TRAPPC3L: variants seen among roughly 807,000 people sequenced by gnomAD.
The protein encoded by TRAPPC3L is trafficking protein particle complex subunit 3L, also known as trafficking protein particle complex subunit 3-like protein.
A neutral mutation model predicts 23.7 loss-of-function variants in TRAPPC3L; 23 were observed. That is an observed-to-expected ratio of 0.97 (90% CI 0.70 to 1.37). The LOEUF (loss-of-function observed/expected upper bound fraction) is 1.37, where lower values mean the gene tolerates loss of function less well. Ranked by LOEUF, TRAPPC3L falls within the 40% of genes most tolerant of loss-of-function variation. The pLI, the probability that TRAPPC3L is intolerant of heterozygous loss-of-function variation, is 0.00. For synonymous variants in TRAPPC3L, 81 were observed against 77.9 expected (o/e 1.04, Z -0.21); for missense variants, 212 against 216.8 (o/e 0.98, Z 0.14).
At chr6:116,534,467 A>T (rs1372319497) in intron 3 of TRAPPC3L, among the ~76,000 whole-genome samples, 2 of 151,838 alleles carry the variant, frequency 1.3e-5, no homozygotes, top group African/African-American at 2.4e-5. Flanking sequence ...AGAAAAAAAA[A>T]TATGACTAGT....
In TRAPPC3L at chr6:116,496,876, T is replaced by C; in HGVS notation, c.*78A>G. 6.9e-7 allele frequency: 1 copy of C among 1,444,998 alleles called. No individual in the cohort carries two copies. Among genetic ancestry groups the C allele is most frequent in the Non-Finnish European group, 9.1e-7 (1 of 1,103,808 alleles). 89.5% of individuals were successfully genotyped at this position (1,444,998 alleles called of 1,614,324 possible). A position where few individuals can be genotyped will look rare whatever the true frequency, so the allele number is the denominator to read the frequency against. ...TTTCAAAGCTCATGCTATGAAGCAATTCAAAATTTCTATGTCTATACATGT... is the reference window on the plus strand; with the variant it reads ...TTTCAAAGCTCATGCTATGAAGCAACTCAAAATTTCTATGTCTATACATGT... On this transcript the variant is annotated 3_prime_UTR_variant, in exon 5 of 5. Coordinates refer to ENST00000368602, the MANE Select transcript of TRAPPC3L (RefSeq NM_001139444.3).
chr6:116,525,916 G>C (rs1346788298), intron 3 of TRAPPC3L, among the ~76,000 whole-genome samples: 1 of 152,170 alleles, frequency 6.6e-6, no homozygotes, highest in African/African-American at 2.4e-5. Flanking sequence ...GGTTTCAACA[G>C]AACACAATTA....
In TRAPPC3L at chr6:116,496,629, G is replaced by T; in HGVS notation, c.*325C>A. ...CAAATACACAACTGTTTGTATTTGT[G>T]CTGCTTTTTTTTCCCATTACCATAC... On this transcript the variant is annotated 3_prime_UTR_variant, in exon 5 of 5. Transcript: ENST00000368602. The T allele has an allele frequency of 4.7e-6, 1 of 211,050 alleles. No homozygotes were observed. Among genetic ancestry groups the T allele is most frequent in the Non-Finnish European group, 9.3e-6 (1 of 108,034 alleles). 13.1% of individuals were successfully genotyped at this position (211,050 alleles called of 1,614,324 possible). A position where few individuals can be genotyped will look rare whatever the true frequency, so the allele number is the denominator to read the frequency against.
At chr6:116,511,009 A>T (rs1172164192) in intron 3 of TRAPPC3L, among the ~76,000 whole-genome samples, 1 of 151,398 alleles carries the variant, frequency 6.6e-6, no homozygotes, top group Non-Finnish European at 1.5e-5. Context: ...GGAGACTCAG[A>T]AAGAGGGAGA....
intron 4 of TRAPPC3L, among the ~76,000 whole-genome samples, chr6:116,497,544 T>C (rs535034385): frequency 1.6e-4 from 24 of 152,374 alleles, no homozygotes; most frequent in Non-Finnish European, 2.8e-4. Flanking sequence ...CAGTCACTTA[T>C]GGCTTTGAGA....
At chr6:116,534,678 C>T (rs1164857965) in intron 3 of TRAPPC3L, among the ~76,000 whole-genome samples, 2 of 152,024 alleles carry the variant, frequency 1.3e-5, no homozygotes, top group Non-Finnish European at 1.5e-5. Context: ...GCTTTAGGCA[C>T]CCTCATTCAT....
At chr6:116,545,068 G>A (rs924775564) in intron 1 of TRAPPC3L, among the ~76,000 whole-genome samples, 1 of 151,110 alleles carries the variant, frequency 6.6e-6, no homozygotes, top group South Asian at 2.1e-4. Context: ...GACCTATTTC[G>A]ATTCAGTTTT....
intron 3 of TRAPPC3L, 78 bp downstream of exon 3, chr6:116,540,285 T>C: frequency 7.3e-7 from 1 of 1,362,738 alleles, no homozygotes; most frequent in South Asian, 1.3e-5. Context: ...ACCTGTCCAA[T>C]CTGAACAGAA....
At chr6:116,508,607 T>C (rs1772047998) in intron 3 of TRAPPC3L, among the ~76,000 whole-genome samples, 1 of 152,202 alleles carries the variant, frequency 6.6e-6, no homozygotes, top group Non-Finnish European at 1.5e-5. Flanking sequence ...TGATGAGGAC[T>C]CTTCTCATTT....
At position 116,534,785 on chromosome 6, in the gene TRAPPC3L, TAAAAG is replaced by T. The variant is rs1772969130; in HGVS notation, c.240+5573_240+5577del. On this transcript the variant is annotated intron_variant, in intron 3 of 4. Transcript: ENST00000368602. The stretch of plus-strand genomic sequence containing the variant: ...TAAGGTAAAATTTCAATTTATACTA[TAAAAG>T]AAAAGTTCTCTTCTTTTGCTTTCCA... 5.3e-5 allele frequency among the ~76,000 whole-genome samples: 6 copies of T among 113,366 alleles called. No individual in the cohort carries two copies. The East Asian group carries it at 1.7e-3, about 32-fold the overall frequency. 74.4% of individuals were successfully genotyped at this position (113,366 alleles called of 152,430 possible). A position where few individuals can be genotyped will look rare whatever the true frequency, so the allele number is the denominator to read the frequency against.
intron 4 of TRAPPC3L, among the ~76,000 whole-genome samples, chr6:116,497,411 G>A (rs1771848424): frequency 6.6e-6 from 1 of 152,176 alleles, no homozygotes; most frequent in African/African-American, 2.4e-5. Context: ...TTGACCCACT[G>A]TGCTTAGCCA....
In TRAPPC3L at chr6:116,495,559, C is replaced by A. The variant is rs1771822044; in HGVS notation, c.*1395G>T. 1 of 152,002 alleles carries A rather than the reference C, an allele frequency of 6.6e-6. No individual in the cohort carries two copies. Among genetic ancestry groups the A allele is most frequent in the Non-Finnish European group, 1.5e-5 (1 of 67,992 alleles). The allele number at this position is 152,002 out of a possible 1,614,324, so 9.4% of individuals were successfully genotyped here. Reference sequence around the variant, plus strand: ...CAGTGGGATTGCTGGATCATATGATCATTCTATTTTTTGTTTTTTGAGGAA... The same window carrying A: ...CAGTGGGATTGCTGGATCATATGATAATTCTATTTTTTGTTTTTTGAGGAA... On this transcript the variant is annotated 3_prime_UTR_variant, in exon 5 of 5. Transcript: ENST00000368602.
At chr6:116,503,742 A>G (rs1771958047) in intron 3 of TRAPPC3L, among the ~76,000 whole-genome samples, 1 of 152,230 alleles carries the variant, frequency 6.6e-6, no homozygotes, top group African/African-American at 2.4e-5. Flanking sequence ...GCACAACTAC[A>G]TGGAAGCTGA....
chr6:116,510,889 T>C (rs1002646525), intron 3 of TRAPPC3L, among the ~76,000 whole-genome samples: 16 of 152,050 alleles, frequency 1.1e-4, no homozygotes, highest in African/African-American at 3.9e-4. Flanking sequence ...AGAGGCGTTA[T>C]TCCAAGCGAA....
chr6:116,529,071 G>A (rs55857439), intron 3 of TRAPPC3L: 8,530 of 152,382 alleles, frequency 0.056, 486 homozygotes, highest in African/African-American at 0.16. Context: ...CTCTCTGACC[G>A]GGTCTCCTGT....
chr6:116,512,152 A>G (rs1416095858), intron 3 of TRAPPC3L: 1 of 1,613,452 alleles, frequency 6.2e-7, no homozygotes. Context: ...GCTGGGAAGA[A>G]CTTCACAAAG....
chr6:116,500,614 G>A lies in TRAPPC3L; in HGVS notation c.293C>T (p.Ser98Leu). The change falls in exon 4 of 5, where the codon TCA becomes TTA. Residue 98 changes from serine to leucine, a missense_variant. By Grantham distance (145) the Ser-to-Leu change is moderately radical (BLOSUM62 -2). Coordinates refer to ENST00000368602, the MANE Select transcript of TRAPPC3L (RefSeq NM_001139444.3). ...GITPSVTCNN[S>L]SKNEFSLILE... The stretch of plus-strand genomic sequence containing the variant: ...AATCAGGGAAAATTCATTTTTGCTT[G>A]AATTGTTACAGGTCACACTTGGTGT... 6.4e-7 allele frequency: 1 copy of A among 1,551,616 alleles called. No homozygotes were observed. The highest frequency in any genetic ancestry group is 8.7e-7 in the Non-Finnish European group (1 of 1,146,952).
chr6:116,514,185 T>C (rs904000014), intron 3 of TRAPPC3L, among the ~76,000 whole-genome samples: 3 of 152,074 alleles, frequency 2.0e-5, no homozygotes, highest in Non-Finnish European at 4.4e-5. Context: ...CATCGGTCAA[T>C]GCAAACGTCA....
At chr6:116,502,273 C>A (rs1304355727) in intron 3 of TRAPPC3L, among the ~76,000 whole-genome samples, 1 of 152,080 alleles carries the variant, frequency 6.6e-6, no homozygotes, top group Non-Finnish European at 1.5e-5. Context: ...AAAAGGATAT[C>A]AGTGACTGAA....
Sources: gnomAD v4.1 joint callset for allele counts (sites outside exome capture counted in the v4.1 genomes callset) on GRCh38, gnomAD v4.1.1 for gene constraint, MANE v1.5 for transcripts, NCBI Gene and HGNC (gene_info 2026-07-23, HGNC 2026-07-21) for gene names.